RNMT: variants seen among roughly 807,000 people sequenced by gnomAD.
RNMT encodes the protein mRNA cap guanine-N(7) methyltransferase.
Under a neutral mutation model 56.0 loss-of-function variants are expected in RNMT, and 27 were observed. The observed-to-expected ratio is 0.48, with a 90% CI of 0.36 to 0.67. The LOEUF (loss-of-function observed/expected upper bound fraction) is 0.67, where lower values mean the gene tolerates loss of function less well. Ranked by LOEUF, RNMT falls within the 30% of genes least tolerant of loss-of-function variation. RNMT has a pLI of 0.00. For missense variants in RNMT, 519 were observed against 552.1 expected (o/e 0.94, Z 0.60); for synonymous variants, 184 against 176.2 (o/e 1.04, Z -0.35).
intron 11 of RNMT, among the ~76,000 whole-genome samples, chr18:13,755,841 G>A (rs1435569716): frequency 2.6e-5 from 4 of 152,154 alleles, no homozygotes; most frequent in African/African-American, 9.7e-5. Flanking sequence ...GGCGGTACTG[G>A]CTGTGGCTTA....
rs1480102814 is a variant in RNMT, at chr18:13,760,443, A to C, written c.*464A>C. The C allele has an allele frequency of 5.1e-6, 5 of 985,490 alleles. No individual in the cohort carries two copies. The highest frequency in any genetic ancestry group is 4.7e-5 in the South Asian group (1 of 21,284). 61.0% of individuals were successfully genotyped at this position (985,490 alleles called of 1,614,324 possible). ...TTTAATGGTCTGTACAGTTGAATGTAAGTGTTCAATATGTATTGCTGAAGT... is the reference window on the plus strand; with the variant it reads ...TTTAATGGTCTGTACAGTTGAATGTCAGTGTTCAATATGTATTGCTGAAGT... On this transcript the variant is annotated 3_prime_UTR_variant, in exon 12 of 12. Transcript: ENST00000383314.
Position 13,763,585 on chromosome 18 carries a change from T to G in RNMT, c.*3606T>G, listed in dbSNP as rs1385179638. ...AGCTAATGTTTATTAGCCTCCTACC[T>G]AAGTCAGTCACTTTGCTAAATTCTT... On this transcript the variant is annotated 3_prime_UTR_variant, in exon 12 of 12. Transcript: ENST00000383314. The G allele has an allele frequency of 6.4e-6, 1 of 156,064 alleles. No individual in the cohort carries two copies. Among genetic ancestry groups the G allele is most frequent in the Non-Finnish European group, 1.4e-5 (1 of 70,122 alleles). 9.7% of individuals were successfully genotyped at this position (156,064 alleles called of 1,614,324 possible).
intron 6 of RNMT, among the ~76,000 whole-genome samples, chr18:13,741,205 GT>G (rs11310942): frequency 0.86 from 130,463 of 152,222 alleles, 55,998 homozygotes; most frequent in East Asian, 0.95. Context: ...TCAAGTTATT[GT>G]TGAATGTCAT....
In RNMT at chr18:13,731,856, A is replaced by G. The variant is rs2044076026; in HGVS notation, c.339A>G (p.Pro113=). 6.2e-7 allele frequency: 1 copy of G among 1,612,786 alleles called. No homozygotes were observed. The highest frequency in any genetic ancestry group is 8.5e-7 in the Non-Finnish European group (1 of 1,179,828). Residue 113 remains proline (P), a synonymous_variant, in exon 3 of 12, where the codon CCA becomes CCG. Coordinates refer to ENST00000383314, the MANE Select transcript of RNMT (RefSeq NM_003799.3). ...KKRKRETEDV[P]KDKSSTGDGT... The stretch of plus-strand genomic sequence containing the variant: ...GAAAAAGAGAAACTGAGGATGTTCC[A>G]AAAGATAAATCTTCTACTGGAGATG...
chr18:13,755,217 T>A (rs751161458), intron 11 of RNMT, among the ~76,000 whole-genome samples: 15 of 152,220 alleles, frequency 9.9e-5, no homozygotes, highest in Non-Finnish European at 1.9e-4. Context: ...AAATAAACAC[T>A]ACTAGGCAAA....
chr18:13,754,290 C>T (rs1378346138), intron 11 of RNMT, 143 bp downstream of exon 11: 19 of 535,528 alleles, frequency 3.5e-5, no homozygotes, highest in Non-Finnish European at 5.9e-5. Context: ...ACAGATTCCT[C>T]GAGCCCAGGA....
chr18:13,739,034 G>C (rs1223297513), intron 5 of RNMT, among the ~76,000 whole-genome samples: 1 of 152,126 alleles, frequency 6.6e-6, no homozygotes, highest in East Asian at 1.9e-4. Context: ...GTCGCCCAAG[G>C]GTTGGGGAAC....
At chr18:13,745,017 G>T (rs1289590942) in intron 8 of RNMT, among the ~76,000 whole-genome samples, 4 of 152,222 alleles carry the variant, frequency 2.6e-5, no homozygotes, top group Admixed American at 6.5e-5. Context: ...GTGGGCAGCT[G>T]AGGACTGGAG....
chr18:13,761,885 C>T lies in RNMT; in HGVS notation c.*1906C>T. The T allele has an allele frequency of 2.0e-6, 2 of 991,126 alleles. No homozygotes were observed. Among genetic ancestry groups the T allele is most frequent in the Non-Finnish European group, 2.5e-6 (2 of 815,750 alleles). The allele number at this position is 991,126 out of a possible 1,614,324, so 61.4% of individuals were successfully genotyped here. On this transcript the variant is annotated 3_prime_UTR_variant, in exon 12 of 12. Coordinates refer to ENST00000383314, the MANE Select transcript of RNMT (RefSeq NM_003799.3). ...CCCAAGCCCCTGTGTCTCCTTGTTA[C>T]AATTAAGTTTCTGGATATTGACTTA...
At chr18:13,745,414 G>A (rs985899272) in intron 8 of RNMT, among the ~76,000 whole-genome samples, 14 of 152,094 alleles carry the variant, frequency 9.2e-5, no homozygotes, top group Non-Finnish European at 1.5e-4. Flanking sequence ...GGTAAGAAGT[G>A]GACCTATTTG....
chr18:13,728,829 GCTT>G (rs1229977455), intron 1 of RNMT, among the ~76,000 whole-genome samples: 1 of 152,004 alleles, frequency 6.6e-6, no homozygotes, highest in Non-Finnish European at 1.5e-5. Context: ...TAGTAGGATT[GCTT>G]CTTTTTTTTT....
rs1410621676 is a variant in RNMT, at chr18:13,761,739, G to T, written c.*1760G>T. The T allele has an allele frequency of 2.6e-6, 3 of 1,159,916 alleles. No homozygotes were observed. The highest frequency in any genetic ancestry group is 1.3e-4 in the East Asian group (2 of 15,764). The allele number at this position is 1,159,916 out of a possible 1,614,324, so 71.9% of individuals were successfully genotyped here. The stretch of plus-strand genomic sequence containing the variant: ...TGAGCCCACTGTTGTTGGTGTCAGG[G>T]AGGCTTACTGGAGCCACACCTGCAG... On this transcript the variant is annotated 3_prime_UTR_variant, in exon 12 of 12. Transcript: ENST00000383314.
intron 11 of RNMT, among the ~76,000 whole-genome samples, chr18:13,755,121 G>C (rs186292467): frequency 7.1e-4 from 108 of 152,304 alleles, no homozygotes; most frequent in African/African-American, 2.5e-3. Context: ...ATTGATTTAC[G>C]TGAAGTTCTG....
Position 13,731,702 on chromosome 18 carries a change from T to G in RNMT, c.185T>G (p.Phe62Cys), listed in dbSNP as rs199889022. The stretch of plus-strand genomic sequence containing the variant: ...GACATAGCAAGAAAGAGAAAAGAGT[T>G]TGAAGATGATCTTGTAAAGGAAAGT... ...QVDIARKRKE[F>C]EDDLVKESSS... is the part of the protein sequence containing the mutation. Residue 62 changes from phenylalanine to cysteine, a missense_variant, in exon 3 of 12, where the codon TTT becomes TGT. Phe to Cys is a radical substitution (Grantham distance 205). Transcript: ENST00000383314. 64 of 1,613,478 alleles carry G rather than the reference T, an allele frequency of 4.0e-5. No homozygotes were observed. The highest frequency in any genetic ancestry group is 4.9e-5 in the Non-Finnish European group (58 of 1,179,906).
At position 13,728,330 on chromosome 18, in the gene RNMT, T is replaced by TTGTGTGTG. The variant is rs1212860122; in HGVS notation, c.-172+1620_-172+1627dup. On this transcript the variant is annotated intron_variant, in intron 1 of 11. Transcript: ENST00000383314. ...TTTTTTTTTTTTTTTTTTTTTTTTT[T>TTGTGTGTG]TGTGTGTGTGTGTGTGTGTGTGTGT... Among the ~76,000 whole-genome samples the TTGTGTGTG allele has an allele frequency of 7.0e-4, 15 of 21,460 alleles. No homozygotes were observed. The South Asian group carries it at 0.029, about 41-fold the overall frequency. 14.1% of individuals were successfully genotyped at this position (21,460 alleles called of 152,430 possible).
At chr18:13,730,010 G>A (rs566380494) in intron 1 of RNMT, among the ~76,000 whole-genome samples, 13 of 152,178 alleles carry the variant, frequency 8.5e-5, no homozygotes, top group South Asian at 4.1e-4. Flanking sequence ...ACCTGGTCTC[G>A]AACTCCAGAG....
Position 13,762,289 on chromosome 18 carries a change from G to A in RNMT, c.*2310G>A, listed in dbSNP as rs1195734578. ...AGAATGCTGATGTTGAATTCTTTGG[G>A]CCTAGAATATACTTGAGAAAGCACT... is the stretch of plus-strand genomic sequence containing the variant. On this transcript the variant is annotated 3_prime_UTR_variant, in exon 12 of 12. Transcript: ENST00000383314. 4 of 1,106,586 alleles carry A rather than the reference G, an allele frequency of 3.6e-6. No homozygotes were observed. The highest frequency in any genetic ancestry group is 5.0e-6 in the Non-Finnish European group (4 of 797,200). 68.5% of individuals were successfully genotyped at this position (1,106,586 alleles called of 1,614,324 possible).
chr18:13,758,387 A>G (rs116847059), intron 11 of RNMT, among the ~76,000 whole-genome samples: 1 of 152,350 alleles, frequency 6.6e-6, no homozygotes, highest in East Asian at 1.9e-4. Context: ...ACCTTCATCA[A>G]TGATCTTAGC....
At chr18:13,742,739 T>A (rs1160292261) in intron 8 of RNMT, 87 bp downstream of exon 8, 20 of 998,132 alleles carry the variant, frequency 2.0e-5, no homozygotes, top group Non-Finnish European at 2.9e-5. Flanking sequence ...TTACTCTTTA[T>A]TTTAAATGAG....
Sources: gnomAD v4.1 joint callset for allele counts (sites outside exome capture counted in the v4.1 genomes callset) on GRCh38, gnomAD v4.1.1 for gene constraint, MANE v1.5 for transcripts, NCBI Gene and HGNC (gene_info 2026-07-23, HGNC 2026-07-21) for gene names.